ESRRG: variants seen among roughly 807,000 people sequenced by gnomAD.
ESRRG encodes estrogen related receptor gamma.
Under a neutral mutation model 44.0 loss-of-function variants are expected in ESRRG, and 13 were observed. That is an observed-to-expected ratio of 0.30 (90% CI 0.19 to 0.47). ESRRG has a LOEUF of 0.47. ESRRG is among the 20% of genes least tolerant of loss of function. The probability of loss-of-function intolerance (pLI) is 1.00; values close to 1 mark genes in which losing one functional copy is unlikely to be tolerated. For missense variants in ESRRG, 395 were observed against 580.6 expected (o/e 0.68, Z 3.29); for synonymous variants, 215 against 214.6 (o/e 1.00, Z -0.02).
chr1:216,679,633 C>CT (rs369793478), intron 1 of ESRRG, among the ~76,000 whole-genome samples: 23,731 of 140,422 alleles, frequency 0.17, 2,052 homozygotes, highest in Middle Eastern at 0.21. Context: ...TTTTTTTTTT[C>CT]TTTTTTTTTT....
intron 1 of ESRRG, among the ~76,000 whole-genome samples, chr1:217,086,048 G>T (rs6699381): frequency 6.6e-6 from 1 of 151,976 alleles, no homozygotes; most frequent in Admixed American, 6.6e-5. Flanking sequence ...TTGACTTTAT[G>T]AAGATATTTT....
intron 5 of ESRRG, among the ~76,000 whole-genome samples, chr1:216,532,605 T>A (rs1484236263): frequency 6.6e-6 from 1 of 152,170 alleles, no homozygotes; most frequent in Non-Finnish European, 1.5e-5. Context: ...TTACAGGCAG[T>A]GACACTCGGT....
chr1:216,844,084 A>T (rs1273431059), intron 2 of ESRRG, among the ~76,000 whole-genome samples: 2 of 152,078 alleles, frequency 1.3e-5, no homozygotes, highest in Admixed American at 1.3e-4. Flanking sequence ...TAAGGGAATA[A>T]GGAAAGGGGG....
chr1:216,641,126 CA>C (rs1246170010), intron 3 of ESRRG, among the ~76,000 whole-genome samples: 2 of 152,082 alleles, frequency 1.3e-5, no homozygotes, highest in Non-Finnish European at 2.9e-5. Context: ...CCTACTAAAT[CA>C]GGGGGAAGAA....
chr1:217,103,482 CAA>C (rs200078602), intron 1 of ESRRG, among the ~76,000 whole-genome samples: 4 of 119,972 alleles, frequency 3.3e-5, no homozygotes, highest in African/African-American at 6.3e-5. Flanking sequence ...CTCATCTCTA[CAA>C]AAAAAAAAAA....
chr1:216,737,988 G>T (rs904046947), intron 2 of ESRRG, among the ~76,000 whole-genome samples: 14 of 139,270 alleles, frequency 1.0e-4, no homozygotes, highest in Non-Finnish European at 1.8e-4. Flanking sequence ...CTGCAGATGA[G>T]ACATCACTTT....
chr1:216,848,398 C>CTT (rs34200168), intron 2 of ESRRG, among the ~76,000 whole-genome samples: 6,560 of 142,854 alleles, frequency 0.046, 506 homozygotes, highest in African/African-American at 0.15. Flanking sequence ...AATTTCTTGG[C>CTT]TTTTTTTTTT....
At chr1:217,049,635 G>A (rs2085540197) in intron 1 of ESRRG, among the ~76,000 whole-genome samples, 1 of 152,150 alleles carries the variant, frequency 6.6e-6, no homozygotes, top group South Asian at 2.1e-4. Flanking sequence ...GTGAGTGTAG[G>A]AACTTGCCCT....
chr1:216,574,378 C>A (rs1211423605), intron 3 of ESRRG, among the ~76,000 whole-genome samples: 1 of 151,974 alleles, frequency 6.6e-6, no homozygotes, highest in African/African-American at 2.4e-5. Context: ...AAATAAACAC[C>A]AATAGAAGTA....
intron 3 of ESRRG, among the ~76,000 whole-genome samples, chr1:216,627,184 T>G (rs940427413): frequency 6.6e-6 from 1 of 152,200 alleles, no homozygotes; most frequent in Non-Finnish European, 1.5e-5. Flanking sequence ...CGAATCCAGA[T>G]AGGAATAACT....
intron 2 of ESRRG, among the ~76,000 whole-genome samples, chr1:216,796,955 G>A (rs1040551128): frequency 2.0e-5 from 3 of 151,948 alleles, no homozygotes; most frequent in African/African-American, 7.3e-5. Flanking sequence ...GCAGTGGTGC[G>A]ATCTCGGCTC....
chr1:217,118,752 G>C (rs1365753047), intron 1 of ESRRG, among the ~76,000 whole-genome samples: 2 of 152,248 alleles, frequency 1.3e-5, no homozygotes, highest in African/African-American at 2.4e-5. Context: ...AGCACTGTGA[G>C]AGGCCAAGGC....
chr1:217,071,410 T>C (rs1032668416), intron 1 of ESRRG, among the ~76,000 whole-genome samples: 6 of 152,156 alleles, frequency 3.9e-5, no homozygotes, highest in Non-Finnish European at 7.4e-5. Context: ...GCAAGTTTCA[T>C]TTTGGGGGCT....
intron 3 of ESRRG, among the ~76,000 whole-genome samples, chr1:216,639,711 A>G (rs965468328): frequency 3.3e-5 from 5 of 152,198 alleles, no homozygotes; most frequent in Admixed American, 2.6e-4. Flanking sequence ...GATTTAATAG[A>G]TGAAAATGTA....
At chr1:216,944,468 A>T (rs1427690660) in intron 1 of ESRRG, among the ~76,000 whole-genome samples, 3 of 152,232 alleles carry the variant, frequency 2.0e-5, no homozygotes, top group Non-Finnish European at 4.4e-5. Context: ...AGGTTAATAA[A>T]GAAGGAGCAC....
At chr1:216,647,816 A>G (rs1323531556) in intron 3 of ESRRG, among the ~76,000 whole-genome samples, 4 of 152,210 alleles carry the variant, frequency 2.6e-5, no homozygotes, top group East Asian at 1.9e-4. Flanking sequence ...CACTTTATCT[A>G]CAATGGATTT....
At chr1:216,744,389 T>C (rs2091130446) in intron 2 of ESRRG, among the ~76,000 whole-genome samples, 1 of 152,070 alleles carries the variant, frequency 6.6e-6, no homozygotes, top group Non-Finnish European at 1.5e-5. Context: ...AAACATCAAC[T>C]GTACAACATT....
intron 1 of ESRRG, among the ~76,000 whole-genome samples, chr1:217,020,891 C>T (rs969334080): frequency 2.0e-4 from 31 of 152,136 alleles, no homozygotes; most frequent in African/African-American, 7.0e-4. Context: ...GACATGACTA[C>T]CAATTTTTTT....
chr1:216,845,453 C>T (rs2095728831), intron 2 of ESRRG, among the ~76,000 whole-genome samples: 1 of 152,126 alleles, frequency 6.6e-6, no homozygotes, highest in Non-Finnish European at 1.5e-5. Flanking sequence ...TGGTAGTTAT[C>T]ATCGGCTTTG....
Sources: allele counts gnomAD v4.1 joint callset (sites outside exome capture counted in the v4.1 genomes callset), GRCh38; gene constraint gnomAD v4.1.1; transcripts MANE v1.5; gene names NCBI Gene and HGNC (gene_info 2026-07-23, HGNC 2026-07-21).